LRRTM3: variants seen among roughly 807,000 people sequenced by gnomAD.
LRRTM3 encodes the protein leucine-rich repeat transmembrane neuronal protein 3.
Under a neutral mutation model 44.7 loss-of-function variants are expected in LRRTM3, and 24 were observed. The observed-to-expected ratio is 0.54, with a 90% CI of 0.39 to 0.76. LRRTM3 has a LOEUF of 0.76. Among genes scored for constraint, LRRTM3 ranks in the 30% least tolerant of loss-of-function variants. The pLI is 0.00. For synonymous variants in LRRTM3, 277 were observed against 278.7 expected (o/e 0.99, Z 0.06); for missense variants, 587 against 702.2 (o/e 0.84, Z 1.85).
rs1478334671 is a variant in LRRTM3, at chr10:66,936,695, T to C, written c.1536+8243T>C. 2.0e-5 allele frequency among the ~76,000 whole-genome samples: 3 copies of C among 152,146 alleles called. No homozygotes were observed. In the East Asian group the frequency reaches 5.8e-4, roughly 29 times the overall value. On this transcript the variant is annotated intron_variant, in intron 2 of 2. Transcript: ENST00000361320. ...ACTCTGAGATGTCTGCCTTGTGTCT[T>C]CTCAGCATCCCATTTCCATGTATTT...
intron 2 of LRRTM3, among the ~76,000 whole-genome samples, chr10:67,087,154 T>A (rs1469847188): frequency 6.6e-6 from 1 of 152,026 alleles, no homozygotes; most frequent in Non-Finnish European, 1.5e-5. Flanking sequence ...AAGATTTACA[T>A]GTAAATGAAC....
chr10:66,991,119 C>CA (rs1373695404), intron 2 of LRRTM3, among the ~76,000 whole-genome samples: 1 of 152,140 alleles, frequency 6.6e-6, no homozygotes, highest in East Asian at 1.9e-4. Flanking sequence ...GTTCTAAAAG[C>CA]ACACAACATA....
intron 2 of LRRTM3, among the ~76,000 whole-genome samples, chr10:67,040,990 T>C (rs1224570086): frequency 6.6e-6 from 1 of 152,122 alleles, no homozygotes; most frequent in Non-Finnish European, 1.5e-5. Flanking sequence ...TTTTATACTT[T>C]TTTTTAGATT....
rs926565054 is a variant in LRRTM3 at position 67,075,524 on chromosome 10, C to T, written c.1537-22063C>T. Among the ~76,000 whole-genome samples the T allele has an allele frequency of 1.3e-4, 20 of 152,146 alleles. No individual in the cohort carries two copies. In the East Asian group the frequency reaches 3.5e-3, roughly 26 times the overall value. On this transcript the variant is annotated intron_variant, in intron 2 of 2. Coordinates refer to ENST00000361320, the MANE Select transcript of LRRTM3 (RefSeq NM_178011.5). ...GTTGGAAATACTTAAGATTCTCCAA[C>T]GTCACGAGACTACATACTTGCAGTT...
At chr10:66,984,009 G>A (rs1004147355) in intron 2 of LRRTM3, among the ~76,000 whole-genome samples, 1 of 152,124 alleles carries the variant, frequency 6.6e-6, no homozygotes, top group Non-Finnish European at 1.5e-5. Context: ...GGCTTAGGTA[G>A]GCTAAATATC....
At chr10:67,005,342 C>G (rs913331309) in intron 2 of LRRTM3, among the ~76,000 whole-genome samples, 6 of 152,158 alleles carry the variant, frequency 3.9e-5, no homozygotes, top group Admixed American at 1.3e-4. Context: ...AACACCTGAT[C>G]TAAATACACT....
rs563304016 is a variant in LRRTM3 at position 67,071,507 on chromosome 10, T to G, written c.1537-26080T>G. Among the ~76,000 whole-genome samples, 519 of 110,460 alleles carry G rather than the reference T, an allele frequency of 4.7e-3. 2 individuals are homozygous for G. Among genetic ancestry groups the G allele is most frequent in the South Asian group, 8.4e-3 (32 of 3,818 alleles). The allele number at this position is 110,460 out of a possible 152,430, so 72.5% of individuals were successfully genotyped here. A position where few individuals can be genotyped will look rare whatever the true frequency, so the allele number is the denominator to read the frequency against. On this transcript the variant is annotated intron_variant, in intron 2 of 2. Transcript: ENST00000361320. ...TTGTACTTAGAGCTCTTTAAAGTTTTTTTTGTTTGTTTGTTTCTTTGACTT... is the reference window on the plus strand; with the variant it reads ...TTGTACTTAGAGCTCTTTAAAGTTTGTTTTGTTTGTTTGTTTCTTTGACTT...
chr10:66,993,746 C>A (rs114328201), intron 2 of LRRTM3, among the ~76,000 whole-genome samples: 1 of 148,470 alleles, frequency 6.7e-6, no homozygotes, highest in African/African-American at 2.5e-5. Flanking sequence ...GCCTGTATTT[C>A]GGATTATGTG....
chr10:67,039,974 G>C (rs955475436), intron 2 of LRRTM3, among the ~76,000 whole-genome samples: 8 of 152,102 alleles, frequency 5.3e-5, no homozygotes, highest in Non-Finnish European at 1.2e-4. Flanking sequence ...GGGGTTACCA[G>C]TTCCTCAGGA....
intron 2 of LRRTM3, among the ~76,000 whole-genome samples, chr10:67,041,831 T>C (rs895715555): frequency 4.6e-5 from 7 of 152,108 alleles, no homozygotes; most frequent in Non-Finnish European, 8.8e-5. Context: ...CTGTAGCTGA[T>C]ATATTGTATT....
rs139606795 is a variant in LRRTM3, at chr10:67,022,794, C to T, written c.1537-74793C>T. ...CTGCTAAAAATACAAAAAAATTAGC[C>T]GGGCGTGGTGGTGCACGCCTATAAT... is the stretch of plus-strand genomic sequence containing the variant. On this transcript the variant is annotated intron_variant, in intron 2 of 2. Coordinates refer to ENST00000361320, the MANE Select transcript of LRRTM3 (RefSeq NM_178011.5). 7.8e-3 allele frequency among the ~76,000 whole-genome samples: 1,191 copies of T among 151,996 alleles called. 41 individuals are homozygous for T. The East Asian group carries it at 0.11, about 14-fold the overall frequency.
chr10:66,963,184 CT>C (rs1849214037), intron 2 of LRRTM3, among the ~76,000 whole-genome samples: 1 of 152,152 alleles, frequency 6.6e-6, no homozygotes, highest in Non-Finnish European at 1.5e-5. Flanking sequence ...TAAAAACTAA[CT>C]AGTGGCTCAC....
Position 67,070,422 on chromosome 10 carries a change from A to C in LRRTM3, c.1537-27165A>C, listed in dbSNP as rs113024853. 8.4e-3 allele frequency among the ~76,000 whole-genome samples: 1,282 copies of C among 151,982 alleles called. 7 individuals carry two copies. Among genetic ancestry groups the C allele is most frequent in the Middle Eastern group, 0.01 (3 of 294 alleles). ...TTTTAATATAAACCAATCTCTCTCT[A>C]TATATATATTTTTTATGTTTGTGTC... On this transcript the variant is annotated intron_variant, in intron 2 of 2. Coordinates refer to ENST00000361320, the MANE Select transcript of LRRTM3 (RefSeq NM_178011.5).
intron 2 of LRRTM3, among the ~76,000 whole-genome samples, chr10:66,946,427 C>A (rs1848279615): frequency 6.6e-6 from 1 of 152,046 alleles, no homozygotes; most frequent in Non-Finnish European, 1.5e-5. Context: ...GAGAAAAGTG[C>A]ACATATGGTC....
chr10:66,938,040 AT>A (rs1847806250), intron 2 of LRRTM3, among the ~76,000 whole-genome samples: 1 of 152,084 alleles, frequency 6.6e-6, no homozygotes, highest in African/African-American at 2.4e-5. Flanking sequence ...TGCATGATAG[AT>A]GTTGTTGAAT....
chr10:66,982,110 T>C (rs1300590203), intron 2 of LRRTM3, among the ~76,000 whole-genome samples: 1 of 152,178 alleles, frequency 6.6e-6, no homozygotes, highest in African/African-American at 2.4e-5. Flanking sequence ...AGCCATCCAA[T>C]ATGCTAGCAT....
Position 67,053,065 on chromosome 10 carries a change from C to T in LRRTM3, c.1537-44522C>T, listed in dbSNP as rs187390884. On this transcript the variant is annotated intron_variant, in intron 2 of 2. Transcript: ENST00000361320. ...TCTATAACACATACAAAAGCTAGAG[C>T]TATACCATCCCCTAAAACATGAAGA... Among the ~76,000 whole-genome samples, 170 of 152,278 alleles carry T rather than the reference C, an allele frequency of 1.1e-3. 1 individual carries two copies. In the East Asian group the frequency reaches 0.023, roughly 20 times the overall value.
chr10:67,064,161 A>G (rs1369369845), intron 2 of LRRTM3, among the ~76,000 whole-genome samples: 1 of 152,132 alleles, frequency 6.6e-6, no homozygotes, highest in Non-Finnish European at 1.5e-5. Context: ...TATGATAACT[A>G]CTTATCTTTC....
rs1858242399 is a variant in LRRTM3 at position 67,099,937 on chromosome 10, A to C, written c.*2141A>C. The C allele has an allele frequency of 6.6e-6, 1 of 151,790 alleles. No individual in the cohort carries two copies. The highest frequency in any genetic ancestry group is 6.6e-5 in the Admixed American group (1 of 15,180). 9.4% of individuals were successfully genotyped at this position (151,790 alleles called of 1,614,324 possible). A position where few individuals can be genotyped will look rare whatever the true frequency, so the allele number is the denominator to read the frequency against. ...TATAAAGCTATGATTCGTGAGTCTA[A>C]AATCAAATGCAAAATTTTATTTATT... On this transcript the variant is annotated 3_prime_UTR_variant, in exon 3 of 3. Transcript: ENST00000361320.
Sources: gnomAD v4.1 joint callset for allele counts (sites outside exome capture counted in the v4.1 genomes callset) on GRCh38, gnomAD v4.1.1 for gene constraint, MANE v1.5 for transcripts, NCBI Gene and HGNC (gene_info 2026-07-23, HGNC 2026-07-21) for gene names.